The following DDR2 variants were observed in gnomAD, a reference collection of about 807,000 sequenced individuals.
DDR2 encodes the protein discoidin domain receptor tyrosine kinase 2.
DDR2 carries 27 observed loss-of-function variants against 94.9 expected under a neutral mutation model. The ratio of observed to expected loss-of-function variants is 0.28; its 90% CI spans 0.21 to 0.39. The LOEUF is 0.39. DDR2 is among the 10% of genes least tolerant of loss of function. The probability of loss-of-function intolerance (pLI) is 1.00; values close to 1 mark genes in which losing one functional copy is unlikely to be tolerated. For synonymous variants in DDR2, 382 were observed against 377.2 expected (o/e 1.01, Z -0.15); for missense variants, 783 against 1,076.0 (o/e 0.73, Z 3.81).
In DDR2 at chr1:162,772,256, A is replaced by T; in HGVS notation, c.1728+9A>T. 3 of 1,613,740 alleles carry T rather than the reference A, an allele frequency of 1.9e-6. 1 individual carries two copies. The highest frequency in any genetic ancestry group is 2.2e-5 in the South Asian group (2 of 90,988). On this transcript the variant is annotated intron_variant, in intron 13 of 17. Transcript: ENST00000367921. ...AAGGACAGTTTGGGGAGGTGAGTTGATTCTTTGATTCCCTTATAGCTCGAA... is the reference window on the plus strand; with the variant it reads ...AAGGACAGTTTGGGGAGGTGAGTTGTTTCTTTGATTCCCTTATAGCTCGAA...
At position 162,783,217 on chromosome 1, in the gene DDR2, G is replaced by A. The variant is rs1457262390; in HGVS notation, c.*2971G>A. 1 of 152,166 alleles carries A rather than the reference G, an allele frequency of 6.6e-6. No homozygotes were observed. Among genetic ancestry groups the A allele is most frequent in the African/African-American group, 2.4e-5 (1 of 41,426 alleles). The allele number at this position is 152,166 out of a possible 1,614,324, so 9.4% of individuals were successfully genotyped here. ...TCAGATCTAAACTTATATTCTTGCT[G>A]GCTAATGTGCTGATAGCCAGGTCTG... On this transcript the variant is annotated 3_prime_UTR_variant, in exon 18 of 18. Transcript: ENST00000367921.
chr1:162,724,092 C>A (rs1661542231), intron 3 of DDR2, among the ~76,000 whole-genome samples: 1 of 152,192 alleles, frequency 6.6e-6, no homozygotes. Flanking sequence ...ATCTAAGTCA[C>A]TCTTCCTCAC....
In DDR2 at chr1:162,780,547, A is replaced by C; in HGVS notation, c.*301A>C. The stretch of plus-strand genomic sequence containing the variant: ...TAACAAAGGCTAGAAAATTCAGATA[A>C]TTTATAAAGGTTAACTATACTTGTG... On this transcript the variant is annotated 3_prime_UTR_variant, in exon 18 of 18. Transcript: ENST00000367921. The C allele has an allele frequency of 5.7e-6, 2 of 353,528 alleles. No individual in the cohort carries two copies. The highest frequency in any genetic ancestry group is 7.9e-5 in the South Asian group (2 of 25,198). The allele number at this position is 353,528 out of a possible 1,614,324, so 21.9% of individuals were successfully genotyped here.
At chr1:162,662,573 TA>T (rs2101922468) in intron 2 of DDR2, among the ~76,000 whole-genome samples, 1 of 152,276 alleles carries the variant, frequency 6.6e-6, no homozygotes, top group Admixed American at 6.5e-5. Flanking sequence ...TTTTTACCCT[TA>T]GTGCCTGACA....
chr1:162,659,789 G>A (rs924302505), intron 2 of DDR2, among the ~76,000 whole-genome samples: 3 of 152,090 alleles, frequency 2.0e-5, no homozygotes, highest in Non-Finnish European at 4.4e-5. Flanking sequence ...TGAGACACTT[G>A]GAGCAAGGAT....
At position 162,660,006 on chromosome 1, in the gene DDR2, C is replaced by T. The variant is rs540598431; in HGVS notation, c.-28+4632C>T. ...CCCAAATTGTGGGCTGCAGGAACAACGTTAAGTATTTCTTGCTGGCTGTGT... is the reference window on the plus strand; with the variant it reads ...CCCAAATTGTGGGCTGCAGGAACAATGTTAAGTATTTCTTGCTGGCTGTGT... On this transcript the variant is annotated intron_variant, in intron 2 of 17. Coordinates refer to ENST00000367921, the MANE Select transcript of DDR2 (RefSeq NM_006182.4). Among the ~76,000 whole-genome samples the T allele has an allele frequency of 3.9e-3, 586 of 151,774 alleles. 2 individuals are homozygous for T. The highest frequency in any genetic ancestry group is 0.011 in the South Asian group (51 of 4,812).
chr1:162,675,081 C>T (rs973249027), intron 2 of DDR2, among the ~76,000 whole-genome samples: 7 of 151,840 alleles, frequency 4.6e-5, no homozygotes, highest in Non-Finnish European at 7.4e-5. Flanking sequence ...TGCTTGGACT[C>T]GGGAGGTGGA....
intron 1 of DDR2, among the ~76,000 whole-genome samples, chr1:162,634,975 G>A (rs1376852055): frequency 6.6e-6 from 1 of 152,124 alleles, no homozygotes; most frequent in Admixed American, 6.5e-5. Context: ...TCCTGGGGTG[G>A]GGGTGGAGAG....
At chr1:162,751,160 C>T (rs1368446522) in intron 3 of DDR2, among the ~76,000 whole-genome samples, 2 of 152,072 alleles carry the variant, frequency 1.3e-5, no homozygotes, top group African/African-American at 4.8e-5. Context: ...TCTAATTAAA[C>T]TAAAGAGCTT....
At position 162,760,537 on chromosome 1, in the gene DDR2, GAT is replaced by G. The variant is rs1211574336; in HGVS notation, c.855+563_855+564del. Among the ~76,000 whole-genome samples, 75 of 78,890 alleles carry G rather than the reference GAT, an allele frequency of 9.5e-4. 7 individuals carry two copies. Among genetic ancestry groups the G allele is most frequent in the Non-Finnish European group, 1.3e-3 (55 of 42,462 alleles). The allele number at this position is 78,890 out of a possible 152,430, so 51.8% of individuals were successfully genotyped here. On this transcript the variant is annotated intron_variant, in intron 8 of 17. Coordinates refer to ENST00000367921, the MANE Select transcript of DDR2 (RefSeq NM_006182.4). Reference sequence around the variant, plus strand: ...ATATATGTATATACATATACAACTAGATATATGTATATACATATACAACTAGA... The same window carrying G: ...ATATATGTATATACATATACAACTAGATATGTATATACATATACAACTAGA...
At chr1:162,730,057 G>GA (rs1661952865) in intron 3 of DDR2, among the ~76,000 whole-genome samples, 23 of 66,602 alleles carry the variant, frequency 3.5e-4, no homozygotes, top group African/African-American at 6.2e-4. Context: ...TTTTTTTTTT[G>GA]CAAAAAAAAA....
intron 14 of DDR2, 49 bp downstream of exon 14, chr1:162,773,645 A>G (rs1201586546): frequency 1.2e-6 from 2 of 1,610,162 alleles, no homozygotes; most frequent in South Asian, 2.2e-5. Flanking sequence ...CATCTTTAGG[A>G]CCAGGAATAC....
intron 8 of DDR2, among the ~76,000 whole-genome samples, chr1:162,760,518 GTATATACATATACAACTAGA>G: frequency 1.1e-5 from 1 of 88,116 alleles, no homozygotes; most frequent in South Asian, 3.9e-4. Context: ...CTATATATAT[GTATATACATATACAACTAGA>G]TATATGTATA....
chr1:162,705,475 G>C (rs1168809397), intron 2 of DDR2, among the ~76,000 whole-genome samples: 2 of 152,168 alleles, frequency 1.3e-5, no homozygotes, highest in Admixed American at 6.5e-5. Context: ...TCTCATTACT[G>C]TAATACAGTA....
At chr1:162,757,066 A>T (rs1192668055) in intron 7 of DDR2, among the ~76,000 whole-genome samples, 1 of 152,238 alleles carries the variant, frequency 6.6e-6, no homozygotes, top group Non-Finnish European at 1.5e-5. Flanking sequence ...GTATATGAGC[A>T]AGAGATAGCC....
chr1:162,670,486 C>T (rs1200702667), intron 2 of DDR2, among the ~76,000 whole-genome samples: 2 of 152,198 alleles, frequency 1.3e-5, no homozygotes, highest in African/African-American at 4.8e-5. Context: ...CACGTAAAGT[C>T]AACCCATGAT....
chr1:162,748,201 C>T (rs1250749198), intron 3 of DDR2, among the ~76,000 whole-genome samples: 2 of 152,174 alleles, frequency 1.3e-5, no homozygotes, highest in Non-Finnish European at 2.9e-5. Flanking sequence ...AAGACACAGA[C>T]TGGCAAGTTG....
In DDR2 at chr1:162,781,036, A is replaced by C. The variant is rs1647876676; in HGVS notation, c.*790A>C. The C allele has an allele frequency of 6.6e-6, 1 of 152,216 alleles. No homozygotes were observed. Among genetic ancestry groups the C allele is most frequent in the African/African-American group, 2.4e-5 (1 of 41,454 alleles). 9.4% of individuals were successfully genotyped at this position (152,216 alleles called of 1,614,324 possible). On this transcript the variant is annotated 3_prime_UTR_variant, in exon 18 of 18. Transcript: ENST00000367921. ...ATAGGAAAGGAGGTCAATGGAGGAC[A>C]CATAACAGACATGCTATCCACCATT...
intron 16 of DDR2, 71 bp from the exon 17 acceptor site, chr1:162,778,495 GGTATAGCTGCAGAT>G: frequency 6.5e-7 from 1 of 1,538,646 alleles, no homozygotes; most frequent in Non-Finnish European, 9.0e-7. Flanking sequence ...TGGGGGAAGG[GGTATAGCTGCAGAT>G]TATGAAATTT....
Sources: gnomAD v4.1 joint callset for allele counts (sites outside exome capture counted in the v4.1 genomes callset) on GRCh38, gnomAD v4.1.1 for gene constraint, MANE v1.5 for transcripts, NCBI Gene and HGNC (gene_info 2026-07-23, HGNC 2026-07-21) for gene names.